The following FOXP1 variants were observed in gnomAD, a reference collection of about 807,000 sequenced individuals.
FOXP1 encodes forkhead box protein P1.
Under a neutral mutation model 98.2 loss-of-function variants are expected in FOXP1, and 15 were observed. The observed-to-expected ratio is 0.15, with a 90% CI of 0.10 to 0.24. The LOEUF is 0.24. Among genes scored for constraint, FOXP1 ranks in the 10% least tolerant of loss-of-function variants. The pLI is 1.00. For missense variants in FOXP1, 633 were observed against 848.5 expected (o/e 0.75, Z 3.15); for synonymous variants, 371 against 314.5 (o/e 1.18, Z -1.90).
chr3:71,362,141 G>C (rs1307431543), intron 3 of FOXP1, among the ~76,000 whole-genome samples: 1 of 152,162 alleles, frequency 6.6e-6, no homozygotes, highest in Non-Finnish European at 1.5e-5. Flanking sequence ...CTAACTGTAT[G>C]ATACTGAATG....
chr3:71,213,698 C>T (rs2064686966), intron 5 of FOXP1, among the ~76,000 whole-genome samples: 1 of 152,090 alleles, frequency 6.6e-6, no homozygotes, highest in African/African-American at 2.4e-5. Context: ...TGCCTGTAGT[C>T]CCAGCTACTC....
At chr3:71,332,992 T>G (rs920770964) in intron 4 of FOXP1, 5 of 152,216 alleles carry the variant, frequency 3.3e-5, no homozygotes, top group African/African-American at 1.2e-4. Context: ...TATTTCCCGT[T>G]CCAACAAAGG....
rs576154156 is a variant in FOXP1, at chr3:71,111,997, T to C, written c.282+539A>G. 4.5e-4 allele frequency among the ~76,000 whole-genome samples: 69 copies of C among 151,966 alleles called. 3 individuals carry two copies. The highest frequency in any genetic ancestry group is 1.6e-3 in the African/African-American group (68 of 41,466). ...TCACGGTGTGTCGTGTCCTGTGCAT[T>C]GCAGGATGTTTGGCAACATCCCTGG... On this transcript the variant is annotated intron_variant, in intron 7 of 20. Coordinates refer to ENST00000649528, the MANE Select transcript of FOXP1 (RefSeq NM_001349338.3).
At chr3:71,059,032 A>G (rs1270497849) in intron 7 of FOXP1, among the ~76,000 whole-genome samples, 2 of 152,214 alleles carry the variant, frequency 1.3e-5, no homozygotes, top group African/African-American at 2.4e-5. Flanking sequence ...TGGTTATTAT[A>G]TTAATGCAAA....
chr3:71,137,573 C>G (rs1308563872), intron 6 of FOXP1, among the ~76,000 whole-genome samples: 2 of 152,030 alleles, frequency 1.3e-5, no homozygotes, highest in Non-Finnish European at 2.9e-5. Flanking sequence ...ACTGATGCAG[C>G]CTAAAGCTTT....
intron 4 of FOXP1, among the ~76,000 whole-genome samples, chr3:71,354,371 A>C (rs2107863005): frequency 6.6e-6 from 1 of 152,282 alleles, no homozygotes; most frequent in South Asian, 2.1e-4. Flanking sequence ...TGATTAACTT[A>C]AAGGCAAAAC....
intron 3 of FOXP1, among the ~76,000 whole-genome samples, chr3:71,458,070 C>A (rs995684449): frequency 6.6e-6 from 1 of 152,200 alleles, no homozygotes; most frequent in African/African-American, 2.4e-5. Flanking sequence ...ACCAGCTCCC[C>A]TACCAGTCAG....
At chr3:71,119,440 GT>G (rs2058601615) in intron 6 of FOXP1, among the ~76,000 whole-genome samples, 1 of 152,012 alleles carries the variant, frequency 6.6e-6, no homozygotes, top group African/African-American at 2.4e-5. Context: ...GATCAAACCT[GT>G]TTTTCAGATA....
intron 6 of FOXP1, among the ~76,000 whole-genome samples, chr3:71,179,279 C>T (rs959558129): frequency 6.6e-5 from 10 of 151,874 alleles, no homozygotes; most frequent in African/African-American, 2.2e-4. Context: ...CAGGTGCCTG[C>T]CACCACGCCC....
intron 2 of FOXP1, among the ~76,000 whole-genome samples, chr3:71,559,819 C>T (rs1358879244): frequency 1.3e-5 from 2 of 151,978 alleles, no homozygotes; most frequent in African/African-American, 4.8e-5. Flanking sequence ...TGCATTCCAG[C>T]CTGGGTGACA....
At chr3:71,331,562 G>T (rs1577009292) in intron 4 of FOXP1, among the ~76,000 whole-genome samples, 1 of 152,262 alleles carries the variant, frequency 6.6e-6, no homozygotes, top group Non-Finnish European at 1.5e-5. Context: ...CTGGGCTCCT[G>T]AGTCTAGTGG....
chr3:70,981,215 AAAAG>A lies in FOXP1; in HGVS notation c.1147-3190_1147-3187del, dbSNP rs1269407309. ...CCAAAAAAAAAAAAAAAAAAAAAAA[AAAAG>A]CAACAGCGAAAAATAAAATCCCTCC... On this transcript the variant is annotated intron_variant, in intron 14 of 20. Transcript: ENST00000649528. 4.5e-4 allele frequency among the ~76,000 whole-genome samples: 66 copies of A among 146,738 alleles called. 1 individual carries two copies. Among genetic ancestry groups the A allele is most frequent in the Non-Finnish European group, 1.3e-4 (9 of 66,924 alleles).
At chr3:71,154,588 A>G (rs2060728879) in intron 6 of FOXP1, among the ~76,000 whole-genome samples, 1 of 152,326 alleles carries the variant, frequency 6.6e-6, no homozygotes, top group African/African-American at 2.4e-5. Flanking sequence ...ACTGGTGGAC[A>G]ATATTGGGCG....
At chr3:71,026,039 G>A (rs2046070751) in intron 11 of FOXP1, among the ~76,000 whole-genome samples, 1 of 152,116 alleles carries the variant, frequency 6.6e-6, no homozygotes, top group South Asian at 2.1e-4. Flanking sequence ...CCTTCCCTCT[G>A]AAAAATGAGA....
intron 5 of FOXP1, among the ~76,000 whole-genome samples, chr3:71,201,870 C>T (rs2063698954): frequency 6.6e-6 from 1 of 152,140 alleles, no homozygotes; most frequent in Non-Finnish European, 1.5e-5. Flanking sequence ...CCCCAAAAGA[C>T]AACAACATTG....
intron 5 of FOXP1, among the ~76,000 whole-genome samples, chr3:71,218,127 G>GGT (rs1375248679): frequency 6.6e-6 from 1 of 152,084 alleles, no homozygotes; most frequent in African/African-American, 2.4e-5. Context: ...ACTGCACCTG[G>GGT]GTGTGTTCAC....
At chr3:71,176,731 A>T (rs2061957940) in intron 6 of FOXP1, among the ~76,000 whole-genome samples, 1 of 131,434 alleles carries the variant, frequency 7.6e-6, no homozygotes, top group Non-Finnish European at 1.6e-5. Flanking sequence ...GCAACAGAGC[A>T]AGAGGCTATC....
At chr3:71,057,635 T>C (rs2050869542) in intron 7 of FOXP1, among the ~76,000 whole-genome samples, 1 of 152,138 alleles carries the variant, frequency 6.6e-6, no homozygotes. Flanking sequence ...ATTAAACTTC[T>C]GGCAGACATT....
chr3:71,283,149 G>A (rs933258538), intron 5 of FOXP1, among the ~76,000 whole-genome samples: 3 of 152,184 alleles, frequency 2.0e-5, no homozygotes, highest in Non-Finnish European at 2.9e-5. Context: ...GGGAGAGGAA[G>A]TGCACTTTCC....
Sources: allele counts gnomAD v4.1 joint callset (sites outside exome capture counted in the v4.1 genomes callset), GRCh38; gene constraint gnomAD v4.1.1; transcripts MANE v1.5; gene names NCBI Gene and HGNC (gene_info 2026-07-23, HGNC 2026-07-21).